ADAMTSL1: variants seen among roughly 807,000 people sequenced by gnomAD.
The protein encoded by ADAMTSL1 is ADAMTS-like protein 1.
ADAMTSL1 carries 126 observed loss-of-function variants against 201.8 expected under a neutral mutation model. The ratio of observed to expected loss-of-function variants is 0.62; its 90% CI spans 0.54 to 0.72. The LOEUF is 0.72. Ranked by LOEUF, ADAMTSL1 falls within the 30% of genes least tolerant of loss-of-function variation. The pLI is 0.00. For synonymous variants in ADAMTSL1, 1,121 were observed against 903.4 expected (o/e 1.24, Z -4.32); for missense variants, 2,679 against 2,277.8 (o/e 1.18, Z -3.59).
At chr9:18,109,448 T>C (rs1026270964) in intron 1 of ADAMTSL1, among the ~76,000 whole-genome samples, 1 of 152,136 alleles carries the variant, frequency 6.6e-6, no homozygotes, top group African/African-American at 2.4e-5. Context: ...TGAAGAATAC[T>C]AAGTGCCCCA....
chr9:18,193,957 T>A (rs933787510), intron 2 of ADAMTSL1, among the ~76,000 whole-genome samples: 3 of 152,200 alleles, frequency 2.0e-5, no homozygotes, highest in African/African-American at 7.2e-5. Flanking sequence ...ACTAATTTAG[T>A]GCTATTTAGT....
At chr9:18,463,773 C>T (rs1820896562) in intron 2 of ADAMTSL1, among the ~76,000 whole-genome samples, 1 of 152,100 alleles carries the variant, frequency 6.6e-6, no homozygotes, top group Admixed American at 6.5e-5. Flanking sequence ...ACTTGGGTTG[C>T]TTTTATTTTT....
chr9:18,000,075 G>A (rs1367491537), intron 1 of ADAMTSL1, among the ~76,000 whole-genome samples: 1 of 149,942 alleles, frequency 6.7e-6, no homozygotes, highest in Non-Finnish European at 1.5e-5. Context: ...ACGTGTGCAT[G>A]TGTCTTTATA....
chr9:17,983,674 G>A (rs1818813364), intron 1 of ADAMTSL1, among the ~76,000 whole-genome samples: 1 of 152,126 alleles, frequency 6.6e-6, no homozygotes, highest in Non-Finnish European at 1.5e-5. Context: ...AAATACATAA[G>A]GTGATTTGGC....
At chr9:18,069,778 T>C (rs1375464484) in intron 1 of ADAMTSL1, among the ~76,000 whole-genome samples, 1 of 152,168 alleles carries the variant, frequency 6.6e-6, no homozygotes, top group Middle Eastern at 3.2e-3. Flanking sequence ...GAAACTGCTA[T>C]AGTAGTCCAT....
At chr9:18,692,410 T>A (rs1831286878) in intron 13 of ADAMTSL1, among the ~76,000 whole-genome samples, 1 of 152,064 alleles carries the variant, frequency 6.6e-6, no homozygotes. Context: ...AATTTATCAG[T>A]CCCTCCCTCT....
intron 2 of ADAMTSL1, among the ~76,000 whole-genome samples, chr9:18,330,536 C>T (rs1228055706): frequency 1.3e-5 from 2 of 151,908 alleles, no homozygotes; most frequent in African/African-American, 2.4e-5. Context: ...GTTATCATTC[C>T]GAGATGAATT....
chr9:18,083,279 CA>C (rs1426945827), intron 1 of ADAMTSL1, among the ~76,000 whole-genome samples: 2 of 152,122 alleles, frequency 1.3e-5, no homozygotes, highest in African/African-American at 4.8e-5. Context: ...ACTTTAAAAG[CA>C]GGTTTGTCTT....
intron 3 of ADAMTSL1, among the ~76,000 whole-genome samples, chr9:18,561,909 G>A (rs1821527327): frequency 6.6e-6 from 1 of 152,064 alleles, no homozygotes; most frequent in Non-Finnish European, 1.5e-5. Flanking sequence ...TTGAGCCTAT[G>A]TGTGTCCTTG....
intron 15 of ADAMTSL1, among the ~76,000 whole-genome samples, chr9:18,735,071 C>T (rs933434527): frequency 6.6e-6 from 1 of 152,226 alleles, no homozygotes; most frequent in Non-Finnish European, 1.5e-5. Flanking sequence ...CTTGAAGCCT[C>T]ACAATTTATC....
At chr9:17,973,161 T>C (rs1818287281) in intron 1 of ADAMTSL1, among the ~76,000 whole-genome samples, 1 of 151,402 alleles carries the variant, frequency 6.6e-6, no homozygotes, top group Non-Finnish European at 1.5e-5. Flanking sequence ...AGAAGCTCTT[T>C]AGTTTAATTA....
At chr9:18,853,916 T>TGC (rs1377328203) in intron 23 of ADAMTSL1, among the ~76,000 whole-genome samples, 23 of 122,668 alleles carry the variant, frequency 1.9e-4, no homozygotes, top group African/African-American at 6.4e-4. Context: ...TGTGTGTGTG[T>TGC]GTGCGCGTGC....
chr9:18,529,870 A>G (rs1476000849), intron 2 of ADAMTSL1, among the ~76,000 whole-genome samples: 1 of 152,186 alleles, frequency 6.6e-6, no homozygotes, highest in Non-Finnish European at 1.5e-5. Flanking sequence ...TTAGACAACT[A>G]CAGGATATTC....
chr9:18,181,010 A>C (rs1462161447), intron 2 of ADAMTSL1, among the ~76,000 whole-genome samples: 1 of 152,210 alleles, frequency 6.6e-6, no homozygotes, highest in Non-Finnish European at 1.5e-5. Context: ...ATCTTTGACA[A>C]ACCTGACAAA....
chr9:18,416,022 G>A (rs1364610948), intron 2 of ADAMTSL1, among the ~76,000 whole-genome samples: 3 of 151,942 alleles, frequency 2.0e-5, no homozygotes, highest in Non-Finnish European at 2.9e-5. Context: ...TTCATTACTA[G>A]CAGACCTGTA....
intron 2 of ADAMTSL1, among the ~76,000 whole-genome samples, chr9:18,506,887 A>G (rs931052962): frequency 2.0e-5 from 3 of 152,168 alleles, no homozygotes; most frequent in Admixed American, 6.5e-5. Context: ...AATAGAAGGC[A>G]TTTCCAAATC....
chr9:17,975,980 C>G (rs1053550766), intron 1 of ADAMTSL1, among the ~76,000 whole-genome samples: 2 of 152,040 alleles, frequency 1.3e-5, no homozygotes, highest in African/African-American at 4.8e-5. Context: ...AGGAACTAGC[C>G]TTCCCCGACT....
At chr9:18,236,769 T>A (rs1221972117) in intron 2 of ADAMTSL1, among the ~76,000 whole-genome samples, 7 of 152,246 alleles carry the variant, frequency 4.6e-5, no homozygotes, top group African/African-American at 1.7e-4. Flanking sequence ...TTATTATATA[T>A]ACTTTTGGAA....
intron 1 of ADAMTSL1, among the ~76,000 whole-genome samples, chr9:17,994,266 G>A (rs189893127): frequency 2.8e-4 from 42 of 152,266 alleles, no homozygotes; most frequent in African/African-American, 9.9e-4. Flanking sequence ...CACAAGGGTT[G>A]AGCTGTCGCT....
Sources: gnomAD v4.1 joint callset for allele counts (sites outside exome capture counted in the v4.1 genomes callset) on GRCh38, gnomAD v4.1.1 for gene constraint, MANE v1.5 for transcripts, NCBI Gene and HGNC (gene_info 2026-07-23, HGNC 2026-07-21) for gene names.